Variants in PFKFB3 observed in about 807,000 individuals in gnomAD.
PFKFB3 encodes the protein 6-phosphofructo-2-kinase/fructose-2,6-bisphosphatase 3.
In PFKFB3, 33 loss-of-function variants were observed where a neutral mutation model predicts 68.0. The observed-to-expected ratio is 0.49, with a 90% confidence interval of 0.37 to 0.65. The LOEUF is 0.65. Among genes scored for constraint, PFKFB3 ranks in the 30% least tolerant of loss-of-function variants. PFKFB3 has a pLI of 0.00. For missense variants in PFKFB3, 586 were observed against 712.2 expected, an observed-to-expected ratio of 0.82 and a Z score of 2.02; for synonymous variants, 315 against 288.2, an observed-to-expected ratio of 1.09 and a Z score of -0.94.
At chr10:6,208,958 C>T (rs1843978583) in intron 1 of PFKFB3, among the ~76,000 whole-genome samples, 1 of 152,216 alleles carries the variant, frequency 6.6e-6, no homozygotes, top group African/African-American at 2.4e-5. Flanking sequence ...CCGTTGTACA[C>T]TAATGGTACT....
intron 1 of PFKFB3, among the ~76,000 whole-genome samples, chr10:6,195,173 C>G (rs1309647816): frequency 6.6e-6 from 1 of 152,162 alleles, no homozygotes; most frequent in Admixed American, 6.5e-5. Flanking sequence ...CGCTCGCCTC[C>G]TGTTCCTTTT....
downstream of PFKFB3, among the ~76,000 whole-genome samples, chr10:6,255,899 C>T (rs944932269): frequency 2.0e-5 from 3 of 152,112 alleles, no homozygotes; most frequent in Non-Finnish European, 2.9e-5. Flanking sequence ...GGAGCGTTGG[C>T]GGGGTGGGAG....
chr10:6,312,475 G>A, the PFKFB3 span, among the ~76,000 whole-genome samples: 3,205 of 152,152 alleles, frequency 0.021, 56 homozygotes, highest in Non-Finnish European at 0.035. Context: ...CATCTGCCTG[G>A]GGTGCAGGCA....
chr10:6,213,188 G>A (rs1844343257), intron 1 of PFKFB3, among the ~76,000 whole-genome samples: 1 of 152,128 alleles, frequency 6.6e-6, no homozygotes, highest in Non-Finnish European at 1.5e-5. Flanking sequence ...AGGGTTGCCT[G>A]GTCCCACTGT....
intron 1 of PFKFB3, among the ~76,000 whole-genome samples, chr10:6,178,554 GC>G (rs1464381650): frequency 4.6e-5 from 4 of 87,142 alleles, no homozygotes; most frequent in Admixed American, 1.4e-4. Flanking sequence ...CTGACCCGGA[GC>G]TGCTGGAGAG....
At chr10:6,236,992 G>A (rs1237588478), downstream of PFKFB3, among the ~76,000 whole-genome samples, 5 of 152,162 alleles carry the variant, frequency 3.3e-5, no homozygotes, top group African/African-American at 7.2e-5. Flanking sequence ...GCCTGGGCTC[G>A]GTTCCTTCCA....
At chr10:6,280,117 T>C in the PFKFB3 span, among the ~76,000 whole-genome samples, 148 of 152,306 alleles carry the variant, frequency 9.7e-4, no homozygotes, top group African/African-American at 3.5e-3. Flanking sequence ...CTAAAACCCC[T>C]TCTCTGGAGA....
intron 1 of PFKFB3, among the ~76,000 whole-genome samples, chr10:6,150,958 C>T (rs1384502541): frequency 6.6e-6 from 1 of 152,212 alleles, no homozygotes; most frequent in Non-Finnish European, 1.5e-5. Context: ...CAAGATCCTG[C>T]CACTGCACCC....
chr10:6,299,335 G>A, the PFKFB3 span, among the ~76,000 whole-genome samples: 60 of 152,304 alleles, frequency 3.9e-4, no homozygotes, highest in African/African-American at 1.4e-3. Flanking sequence ...CTACAGACCT[G>A]ACTAGGATTT....
At chr10:6,324,618 C>T in the PFKFB3 span, among the ~76,000 whole-genome samples, 2 of 151,922 alleles carry the variant, frequency 1.3e-5, no homozygotes, top group Non-Finnish European at 2.9e-5. Context: ...TTAGTGGACA[C>T]GGGGTTTTGC....
intron 1 of PFKFB3, among the ~76,000 whole-genome samples, chr10:6,190,457 A>G (rs910156091): frequency 6.6e-6 from 1 of 152,034 alleles, no homozygotes; most frequent in African/African-American, 2.4e-5. Context: ...ATGTGTTCCT[A>G]TGTTTCTCTG....
At chr10:6,201,372 G>A (rs1843343398), upstream of PFKFB3, among the ~76,000 whole-genome samples, 1 of 151,452 alleles carries the variant, frequency 6.6e-6, no homozygotes, top group South Asian at 2.1e-4. The surrounding 1 kb of genome is among the most constrained non-coding windows in gnomAD (Gnocchi z 4.1). Context: ...AAACCAGACC[G>A]TCAGCAAAGC....
the PFKFB3 span, among the ~76,000 whole-genome samples, chr10:6,260,826 A>G: frequency 6.6e-6 from 1 of 152,148 alleles, no homozygotes; most frequent in East Asian, 1.9e-4. Flanking sequence ...TTTTTTTACT[A>G]TTATGAATAA....
At chr10:6,321,879 G>C in the PFKFB3 span, among the ~76,000 whole-genome samples, 1 of 152,058 alleles carries the variant, frequency 6.6e-6, no homozygotes, top group African/African-American at 2.4e-5. Flanking sequence ...CTTCTCCTTT[G>C]CCGATTCCGC....
chr10:6,191,979 A>G (rs1421243111), intron 1 of PFKFB3, among the ~76,000 whole-genome samples: 1 of 150,422 alleles, frequency 6.6e-6, no homozygotes, highest in African/African-American at 2.5e-5. Flanking sequence ...GAGCAAAAGC[A>G]CTCTTGGTAA....
intron 1 of PFKFB3, among the ~76,000 whole-genome samples, chr10:6,172,016 C>T (rs569631465): frequency 3.3e-5 from 5 of 152,296 alleles, no homozygotes; most frequent in South Asian, 2.1e-4. Context: ...TTTTTGCCGC[C>T]GTACTCCATT....
the PFKFB3 span, among the ~76,000 whole-genome samples, chr10:6,283,303 A>G: frequency 5.9e-5 from 9 of 152,262 alleles, no homozygotes; most frequent in South Asian, 1.0e-3. Context: ...TTCTGTGTCT[A>G]TTGCCTTGGG....
At chr10:6,225,102 T>C (rs1845247270) in intron 13 of PFKFB3, 4 of 455,988 alleles carry the variant, frequency 8.8e-6, no homozygotes, top group Admixed American at 2.3e-5. Flanking sequence ...CTGAGTAGAG[T>C]GGGCCTCTGC....
the PFKFB3 span, among the ~76,000 whole-genome samples, chr10:6,322,473 C>A: frequency 1.3e-5 from 2 of 152,322 alleles, no homozygotes; most frequent in East Asian, 3.9e-4. Flanking sequence ...CACCCAGTAG[C>A]CTGAATGATC....
Sources: allele counts gnomAD v4.1 joint callset (sites outside exome capture counted in the v4.1 genomes callset), GRCh38; gene constraint gnomAD v4.1.1; non-coding constraint Gnocchi (gnomAD v3.1); transcripts MANE v1.5; gene names NCBI Gene and HGNC (gene_info 2026-07-23, HGNC 2026-07-21).